CNTNAP5: variants seen among roughly 807,000 people sequenced by gnomAD.
The protein encoded by CNTNAP5 is contactin-associated protein-like 5.
Under a neutral mutation model 150.2 loss-of-function variants are expected in CNTNAP5, and 72 were observed. The ratio of observed to expected loss-of-function variants is 0.48; its 90% confidence interval spans 0.40 to 0.58. The LOEUF is 0.58. Ranked by LOEUF, CNTNAP5 falls within the 20% of genes least tolerant of loss-of-function variation. CNTNAP5 has a pLI of 0.00. For synonymous variants in CNTNAP5, 672 were observed against 619.8 expected (o/e 1.08, Z -1.25); for missense variants, 1,636 against 1,626.2 (o/e 1.01, Z -0.10).
intron 10 of CNTNAP5, among the ~76,000 whole-genome samples, chr2:124,551,868 A>T (rs984978816): frequency 1.3e-5 from 2 of 152,164 alleles, no homozygotes; most frequent in African/African-American, 4.8e-5. Flanking sequence ...ATTTAAGTAC[A>T]CTGAGTATAT....
intron 22 of CNTNAP5, among the ~76,000 whole-genome samples, chr2:124,909,206 G>A (rs1678603722): frequency 1.3e-5 from 2 of 152,134 alleles, no homozygotes; most frequent in South Asian, 4.1e-4. Context: ...CTGTGCAGGT[G>A]TAGCATTTAT....
At chr2:124,268,558 T>A (rs1687669895) in intron 3 of CNTNAP5, among the ~76,000 whole-genome samples, 1 of 152,242 alleles carries the variant, frequency 6.6e-6, no homozygotes, top group Admixed American at 6.5e-5. Flanking sequence ...TAAATGATGC[T>A]ACCAAACTTA....
intron 1 of CNTNAP5, among the ~76,000 whole-genome samples, chr2:124,110,105 A>G (rs904860473): frequency 6.6e-6 from 1 of 152,172 alleles, no homozygotes; most frequent in Non-Finnish European, 1.5e-5. Context: ...TTGCTTCAGG[A>G]GGTCCAATCA....
chr2:124,389,351 C>G (rs1691051960), intron 3 of CNTNAP5, among the ~76,000 whole-genome samples: 1 of 152,162 alleles, frequency 6.6e-6, no homozygotes, highest in African/African-American at 2.4e-5. Flanking sequence ...AAATGATTGT[C>G]AGTAATAAGA....
chr2:124,352,415 T>C (rs1445989721), intron 3 of CNTNAP5, among the ~76,000 whole-genome samples: 1 of 152,174 alleles, frequency 6.6e-6, no homozygotes, highest in Non-Finnish European at 1.5e-5. Context: ...AAGTAGTTTA[T>C]GGAGGGCACA....
chr2:124,373,645 A>G (rs1328317925), intron 3 of CNTNAP5, among the ~76,000 whole-genome samples: 2 of 152,092 alleles, frequency 1.3e-5, no homozygotes, highest in Non-Finnish European at 1.5e-5. Flanking sequence ...AGGTTTTCAA[A>G]AAAGTAAAAT....
At chr2:124,300,858 G>A (rs1443025740) in intron 3 of CNTNAP5, among the ~76,000 whole-genome samples, 2 of 152,156 alleles carry the variant, frequency 1.3e-5, no homozygotes, top group Non-Finnish European at 2.9e-5. Flanking sequence ...CTCTGCTGCA[G>A]CTTTCACCTT....
chr2:124,707,149 A>AGAG (rs1558743774), intron 13 of CNTNAP5, among the ~76,000 whole-genome samples: 35 of 53,400 alleles, frequency 6.6e-4, no homozygotes, highest in African/African-American at 1.6e-3. Context: ...AGGAAGAAGA[A>AGAG]GAAGAAGAAG....
At chr2:124,194,580 T>G (rs1471814291) in intron 1 of CNTNAP5, among the ~76,000 whole-genome samples, 2 of 150,968 alleles carry the variant, frequency 1.3e-5, no homozygotes, top group Non-Finnish European at 1.5e-5. Context: ...CCAATCAAAC[T>G]AGTTACTAAT....
intron 14 of CNTNAP5, among the ~76,000 whole-genome samples, chr2:124,750,002 C>T (rs1228228292): frequency 9.9e-5 from 15 of 152,196 alleles, no homozygotes; most frequent in African/African-American, 2.9e-4. Flanking sequence ...CAATGTTTCA[C>T]TCTGAACCCC....
intron 8 of CNTNAP5, among the ~76,000 whole-genome samples, chr2:124,513,442 A>G (rs910425473): frequency 6.6e-6 from 1 of 152,182 alleles, no homozygotes; most frequent in African/African-American, 2.4e-5. Context: ...ATGTATATTA[A>G]TATGTCTATT....
intron 4 of CNTNAP5, among the ~76,000 whole-genome samples, chr2:124,431,182 T>G (rs144373462): frequency 6.6e-6 from 1 of 152,258 alleles, no homozygotes; most frequent in South Asian, 2.1e-4. Flanking sequence ...TCTTAAGAGA[T>G]AACCTATGTC....
rs898780015 is a variant in CNTNAP5, at chr2:124,504,496, G to A, written c.1267G>A (p.Gly423Ser). The part of the protein sequence containing the change: ...GSGTLLLSLE[G>S]GILRLVIQKM... The stretch of plus-strand genomic sequence containing the variant: ...GGGAACCCTGCTGCTGAGCCTGGAG[G>A]GTGGAATCCTGAGACTCGTGATTCA... The change falls in exon 8 of 24, where the codon GGT becomes AGT. Residue 423 changes from glycine (G) to serine (S), a missense_variant. Gly to Ser is a moderately conservative substitution (Grantham distance 56, BLOSUM62 0). Transcript: ENST00000682447. 1 of 1,613,798 alleles carries A rather than the reference G, an allele frequency of 6.2e-7. No individual in the cohort carries two copies. Among genetic ancestry groups the A allele is most frequent in the Non-Finnish European group, 8.5e-7 (1 of 1,179,832 alleles).
chr2:124,145,465 T>C (rs1684215926), intron 1 of CNTNAP5, among the ~76,000 whole-genome samples: 1 of 17,610 alleles, frequency 5.7e-5, no homozygotes, highest in Non-Finnish European at 1.1e-4. Context: ...TATGCAGCCA[T>C]AAAAAATGAT....
chr2:124,070,751 TG>T (rs2104663920), intron 1 of CNTNAP5, among the ~76,000 whole-genome samples: 1 of 152,126 alleles, frequency 6.6e-6, no homozygotes, highest in African/African-American at 2.4e-5. Flanking sequence ...CAATAAGAGA[TG>T]GGGAATTCAG....
intron 3 of CNTNAP5, among the ~76,000 whole-genome samples, chr2:124,362,513 C>T (rs1481545828): frequency 3.3e-5 from 5 of 152,176 alleles, no homozygotes; most frequent in Admixed American, 3.3e-4. Flanking sequence ...TAGACTCCTA[C>T]CTTTATTTTT....
chr2:124,197,922 A>G lies in CNTNAP5; in HGVS notation c.83-23783A>G, dbSNP rs550364561. On this transcript the variant is annotated intron_variant, in intron 1 of 23. Transcript: ENST00000682447. ...CGTGAACCCGGGAAGCGGAGCTTGC[A>G]GTGAGCTGAGATCGCGCCACTGCAC... 3.4e-3 allele frequency among the ~76,000 whole-genome samples: 521 copies of G among 152,180 alleles called. 4 individuals carry two copies. Among genetic ancestry groups the G allele is most frequent in the African/African-American group, 0.011 (477 of 41,546 alleles).
chr2:124,701,921 A>AT (rs969627526), intron 13 of CNTNAP5, among the ~76,000 whole-genome samples: 1 of 151,456 alleles, frequency 6.6e-6, no homozygotes, highest in Non-Finnish European at 1.5e-5. Context: ...TTTTTGTCTT[A>AT]TTTTTTTCCC....
At chr2:124,176,600 A>T (rs908787924) in intron 1 of CNTNAP5, among the ~76,000 whole-genome samples, 2 of 152,162 alleles carry the variant, frequency 1.3e-5, no homozygotes, top group Non-Finnish European at 2.9e-5. Context: ...GAGAAACTCC[A>T]CTTTTGTGCT....
Sources: allele counts gnomAD v4.1 joint callset (sites outside exome capture counted in the v4.1 genomes callset), GRCh38; gene constraint gnomAD v4.1.1; transcripts MANE v1.5; gene names NCBI Gene and HGNC (gene_info 2026-07-23, HGNC 2026-07-21).